The following RALY variants were observed in gnomAD, a reference collection of about 807,000 sequenced individuals.
RALY encodes RALY heterogeneous nuclear ribonucleoprotein.
In RALY, 15 loss-of-function variants were observed where a neutral mutation model predicts 30.7. The ratio of observed to expected loss-of-function variants is 0.49; its 90% CI spans 0.33 to 0.75. The LOEUF (loss-of-function observed/expected upper bound fraction) is 0.75, where lower values mean the gene tolerates loss of function less well. RALY is among the 30% of genes least tolerant of loss of function. The pLI is 0.02. For missense variants in RALY, 339 were observed against 414.3 expected (o/e 0.82, Z 1.58); for synonymous variants, 177 against 170.8 (o/e 1.04, Z -0.28).
At chr20:34,050,345 G>C (rs7262055) in intron 2 of RALY, among the ~76,000 whole-genome samples, 13,858 of 152,256 alleles carry the variant, frequency 0.091, 2,094 homozygotes, top group African/African-American at 0.31. Context: ...CTATGCAAGA[G>C]AGCCTCTAGT....
chr20:34,042,463 C>G (rs1042360374), intron 2 of RALY, among the ~76,000 whole-genome samples: 2 of 152,136 alleles, frequency 1.3e-5, no homozygotes, highest in African/African-American at 4.8e-5. Context: ...GTTAAGTGAC[C>G]ACTTCTAACA....
chr20:34,077,081 GGCA>G lies in RALY; in HGVS notation c.715_717del (p.Ser239del), dbSNP rs757638976. 80 of 1,605,848 alleles carry G rather than the reference GGCA, an allele frequency of 5.0e-5. 2 individuals carry two copies. The South Asian group carries it at 8.4e-4, about 17-fold the overall frequency. On this transcript the variant is annotated inframe_deletion, in exon 8 of 10. Transcript: ENST00000246194. The stretch of plus-strand genomic sequence containing the variant: ...CGCCGGCGGCGGCGGCGGTGGTGGT[GGCA>G]GCGGTGGCGGTGGCAGTGGTGGTGG...
At chr20:34,022,602 A>G (rs1159479180) in intron 1 of RALY, among the ~76,000 whole-genome samples, 2 of 152,056 alleles carry the variant, frequency 1.3e-5, no homozygotes, top group East Asian at 1.9e-4. Context: ...TGATGTCCCT[A>G]TGTGCCTCTC....
chr20:34,031,294 C>A (rs1020484863), intron 1 of RALY, among the ~76,000 whole-genome samples: 3 of 148,452 alleles, frequency 2.0e-5, no homozygotes, highest in African/African-American at 7.5e-5. Context: ...CTCCTGACTT[C>A]AGGTGATCCA....
chr20:34,015,493 G>A (rs946785296), intron 1 of RALY, among the ~76,000 whole-genome samples: 14 of 151,868 alleles, frequency 9.2e-5, no homozygotes, highest in African/African-American at 3.1e-4. Flanking sequence ...GCCATACAAT[G>A]TTTAACTCCA....
chr20:34,064,913 G>A (rs1440679148), intron 2 of RALY: 1 of 152,210 alleles, frequency 6.6e-6, no homozygotes, highest in African/African-American at 2.4e-5. Flanking sequence ...AAAGGATATG[G>A]CCACAGTTAC....
intron 1 of RALY, among the ~76,000 whole-genome samples, chr20:34,008,763 A>G (rs2031273454): frequency 6.6e-6 from 1 of 152,174 alleles, no homozygotes; most frequent in Admixed American, 6.5e-5. Flanking sequence ...GGCTTAAGCT[A>G]TCCTCACGCC....
chr20:34,007,846 C>T (rs981559223), intron 1 of RALY, among the ~76,000 whole-genome samples: 13 of 141,560 alleles, frequency 9.2e-5, no homozygotes, highest in Non-Finnish European at 1.4e-4. Flanking sequence ...AAAAAAGTTC[C>T]CTGGGCCTTA....
chr20:34,013,489 C>A (rs1341163650), intron 1 of RALY, among the ~76,000 whole-genome samples: 1 of 151,392 alleles, frequency 6.6e-6, no homozygotes, highest in African/African-American at 2.4e-5. Flanking sequence ...TGGGATGTAA[C>A]CCTGTTGTAA....
chr20:34,015,705 G>A (rs1478237169), intron 1 of RALY, among the ~76,000 whole-genome samples: 1 of 152,000 alleles, frequency 6.6e-6, no homozygotes, highest in Non-Finnish European at 1.5e-5. Context: ...TTGAGTGGTA[G>A]GAGCCTTCAG....
At chr20:33,997,152 G>A (rs1278248223) in intron 1 of RALY, among the ~76,000 whole-genome samples, 2 of 152,110 alleles carry the variant, frequency 1.3e-5, no homozygotes, top group South Asian at 2.1e-4. Context: ...GTCTCACTCC[G>A]TCGCCCAGGC....
intron 1 of RALY, among the ~76,000 whole-genome samples, chr20:34,027,084 A>G (rs2032072264): frequency 1.3e-5 from 2 of 152,196 alleles, no homozygotes; most frequent in Admixed American, 1.3e-4. Flanking sequence ...CGGAGAAGAC[A>G]TAGCAGCAGT....
chr20:34,019,324 CT>C (rs769421163), intron 1 of RALY, among the ~76,000 whole-genome samples: 9 of 151,344 alleles, frequency 5.9e-5, no homozygotes, highest in Non-Finnish European at 1.3e-4. Flanking sequence ...GAGACTCTGT[CT>C]CAAAAGAAAA....
chr20:34,039,148 T>C (rs1289349159), intron 2 of RALY, among the ~76,000 whole-genome samples: 1 of 152,224 alleles, frequency 6.6e-6, no homozygotes, highest in African/African-American at 2.4e-5. Flanking sequence ...AAGTCTCAAC[T>C]TCGGTCCTGC....
chr20:34,049,501 G>A (rs2033005657), intron 2 of RALY, among the ~76,000 whole-genome samples: 1 of 152,190 alleles, frequency 6.6e-6, no homozygotes, highest in African/African-American at 2.4e-5. Flanking sequence ...TACCTCTGCT[G>A]TAAGAAGTCA....
chr20:34,072,011 G>A, intron 2 of RALY, 55 bp from the exon 3 acceptor site: 1 of 1,579,656 alleles, frequency 6.3e-7, no homozygotes, highest in Non-Finnish European at 8.6e-7. Context: ...TGGGCCGTGG[G>A]CAGTCCTTGA....
intron 1 of RALY, among the ~76,000 whole-genome samples, chr20:34,015,714 A>T (rs960242520): frequency 6.6e-6 from 1 of 152,130 alleles, no homozygotes; most frequent in African/African-American, 2.4e-5. Context: ...AGGAGCCTTC[A>T]GGCAAAGCCA....
At chr20:34,064,566 G>A (rs2033513908) in intron 2 of RALY, among the ~76,000 whole-genome samples, 2 of 152,148 alleles carry the variant, frequency 1.3e-5, no homozygotes, top group Admixed American at 1.3e-4. Flanking sequence ...CCTTTGTGAA[G>A]TTTCTAGGTT....
At chr20:34,046,663 T>A (rs903491855) in intron 2 of RALY, among the ~76,000 whole-genome samples, 2 of 152,178 alleles carry the variant, frequency 1.3e-5, no homozygotes, top group Non-Finnish European at 2.9e-5. Flanking sequence ...AGTTAATTTT[T>A]AAAAAGCACT....
Sources: gnomAD v4.1 joint callset for allele counts (sites outside exome capture counted in the v4.1 genomes callset) on GRCh38, gnomAD v4.1.1 for gene constraint, MANE v1.5 for transcripts, NCBI Gene and HGNC (gene_info 2026-07-23, HGNC 2026-07-21) for gene names.